The following PPP6R1 variants were observed in gnomAD, a reference collection of about 807,000 sequenced individuals.
PPP6R1 encodes serine/threonine-protein phosphatase 6 regulatory subunit 1.
PPP6R1 carries 39 observed loss-of-function variants against 104.6 expected under a neutral mutation model. The ratio of observed to expected loss-of-function variants is 0.37; its 90% CI spans 0.29 to 0.49. The LOEUF (loss-of-function observed/expected upper bound fraction) is 0.49, where lower values mean the gene tolerates loss of function less well. PPP6R1 is among the 20% of genes least tolerant of loss of function. The probability of loss-of-function intolerance (pLI) is 0.98; values close to 1 mark genes in which losing one functional copy is unlikely to be tolerated. For missense variants in PPP6R1, 1,181 were observed against 1,155.8 expected (o/e 1.02, Z -0.32); for synonymous variants, 549 against 479.0 (o/e 1.15, Z -1.91).
intron 1 of PPP6R1, 58 bp from the exon 2 acceptor site, chr19:55,247,167 C>T (rs11880346): frequency 3.4e-5 from 52 of 1,545,270 alleles, no homozygotes; most frequent in East Asian, 2.2e-4. Flanking sequence ...CCCCACTGGA[C>T]GAGGCACTGA....
rs777114507 is a variant in PPP6R1 at position 55,236,715 on chromosome 19, T to C, written c.1916A>G (p.Asp639Gly). ...GCCCTGCCAGGCGCCATCTTCTCCA[T>C]CAGACTCCCCTGAGCCCTGGGCCTC... ...EEEAQGSGES[D>G]GEDGAWQGSQ... Residue 639 changes from aspartate to glycine, a missense_variant, in exon 17 of 24, where the codon GAT becomes GGT. Physicochemically the swap from Asp to Gly is moderately conservative, Grantham distance 94. This residue lies in a region of PPP6R1 where 1,042 missense variants were observed against 955.6 expected (regional missense o/e 1.09). Transcript: ENST00000412770. 1.9e-6 allele frequency: 3 copies of C among 1,613,180 alleles called. No homozygotes were observed. Among genetic ancestry groups the C allele is most frequent in the African/African-American group, 1.3e-5 (1 of 74,930 alleles).
rs2087370276 is a variant in PPP6R1, at chr19:55,233,745, C to CT, written c.1989-1535dup. Among the ~76,000 whole-genome samples the CT allele has an allele frequency of 3.9e-5, 6 of 152,282 alleles. No homozygotes were observed. The South Asian group carries it at 1.0e-3, about 26-fold the overall frequency. On this transcript the variant is annotated intron_variant, in intron 17 of 23. Coordinates refer to ENST00000412770, the MANE Select transcript of PPP6R1 (RefSeq NM_014931.4). ...TAAAAGAAATACAAAGCCTCATACT[C>CT]TAAAACCTACGAAACATTGTTGAAA...
In PPP6R1 at chr19:55,241,605, T is replaced by C. The variant is rs1002658541; in HGVS notation, c.880A>G (p.Ser294Gly). The C allele has an allele frequency of 3.2e-6, 5 of 1,587,166 alleles. No homozygotes were observed. The African/African-American group carries it at 4.0e-5, about 13-fold the overall frequency. ...AGGAGCTCCAGCTGCCCATCCACAC[T>C]GCTGAAGAAGCTGTTCACGGTCACG... ...ESVTVNSFFS[S>G]VDGQLELLAQ... is the part of the protein sequence containing the mutation. Residue 294 changes from serine (S) to glycine (G), a missense_variant, in exon 8 of 24, where the codon AGT becomes GGT. By Grantham distance (56) the Ser-to-Gly change is moderately conservative. Around this residue, in one of 2 missense-constraint regions of PPP6R1, gnomAD observed 1,042 missense variants for 955.6 expected, o/e 1.09. Coordinates refer to ENST00000412770, the MANE Select transcript of PPP6R1 (RefSeq NM_014931.4). The surrounding 1 kb of genome is among the most constrained non-coding windows in gnomAD (Gnocchi z 5.4).
chr19:55,255,399 C>T (rs1348257286), intron 1 of PPP6R1, among the ~76,000 whole-genome samples: 1 of 152,188 alleles, frequency 6.6e-6, no homozygotes, highest in Non-Finnish European at 1.5e-5. Context: ...GTCAGAAAAG[C>T]TTGCATTCCC....
Position 55,231,930 on chromosome 19 carries a change from G to A in PPP6R1, c.2178C>T (p.Ser726=), listed in dbSNP as rs369196770. Residue 726 remains serine, a synonymous_variant, in exon 19 of 24, where the codon AGC becomes AGT. Coordinates refer to ENST00000412770, the MANE Select transcript of PPP6R1 (RefSeq NM_014931.4). ...FDPVPTDAPT[S]PRVSGEEELH... is the part of the protein sequence containing the mutation. ...GCTCTTCCTCCCCGGAGACTCGGGG[G>A]CTGGTCGGGGCATCTGTAGGCACTG... The A allele has an allele frequency of 7.6e-6, 12 of 1,569,518 alleles. No individual in the cohort carries two copies. Among genetic ancestry groups the A allele is most frequent in the South Asian group, 7.0e-5 (6 of 85,354 alleles).
intron 15 of PPP6R1, chr19:55,239,171 T>A: frequency 1.8e-6 from 1 of 549,978 alleles, no homozygotes; most frequent in South Asian, 2.0e-5. Flanking sequence ...CCCACCCTCA[T>A]GGCCTGCCTC....
intron 21 of PPP6R1, 91 bp downstream of exon 21, chr19:55,231,319 C>T (rs2122508342): frequency 2.1e-6 from 3 of 1,415,490 alleles, no homozygotes; most frequent in Non-Finnish European, 2.9e-6. Context: ...AGGCCTGGAG[C>T]AGCTCAGGGA....
At chr19:55,258,178 G>A (rs73621332) in intron 1 of PPP6R1, among the ~76,000 whole-genome samples, 2,870 of 152,348 alleles carry the variant, frequency 0.019, 96 homozygotes, top group African/African-American at 0.066. Flanking sequence ...CAGAGAGCGA[G>A]TGGGAAAAGG....
chr19:55,240,113 A>T lies in PPP6R1; in HGVS notation c.1363T>A (p.Cys455Ser). The T allele has an allele frequency of 1.3e-6, 2 of 1,577,790 alleles. No homozygotes were observed. Among genetic ancestry groups the T allele is most frequent in the South Asian group, 2.3e-5 (2 of 86,580 alleles). ...TSWEENDRVQ[C>S]AGGPRKGYMG... is the part of the protein sequence containing the mutation. ...TAGCCTTTCCGAGGGCCTCCCGCAC[A>T]CCTGGCAAGAGTGAAGGCCGCGGCT... Residue 455 changes from cysteine to serine, a missense_variant and splice_region_variant, in exon 12 of 24, where the codon TGT becomes AGT. By Grantham distance (112) the Cys-to-Ser change is moderately radical. This residue lies in a region of PPP6R1 where 1,042 missense variants were observed against 955.6 expected (regional missense o/e 1.09). Transcript: ENST00000412770.
intron 2 of PPP6R1, 84 bp downstream of exon 2, chr19:55,246,793 A>T (rs1405330992): frequency 1.6e-6 from 2 of 1,261,356 alleles, no homozygotes; most frequent in Non-Finnish European, 2.2e-6. Flanking sequence ...ACACTGACGC[A>T]TTTCAGGGTA....
In PPP6R1 at chr19:55,245,606, C is replaced by T. The variant is rs749575369; in HGVS notation, c.300G>A (p.Glu100=). Residue 100 remains glutamate, a synonymous_variant, in exon 3 of 24, where the codon GAG becomes GAA. Transcript: ENST00000412770. This position sits in a 1 kb window ranked among gnomAD's most constrained non-coding sequence, Gnocchi z 6.4. ...AGCCGTAGAGCCGGTTCAGAAGGGACTCATCAGCACCCAGGGCATCATTGA... is the reference window on the plus strand; with the variant it reads ...AGCCGTAGAGCCGGTTCAGAAGGGATTCATCAGCACCCAGGGCATCATTGA... ...PQINDALGAD[E]SLLNRLYGFL... The T allele has an allele frequency of 5.6e-6, 9 of 1,612,440 alleles. No individual in the cohort carries two copies. The African/African-American group carries it at 1.2e-4, about 22-fold the overall frequency.
At chr19:55,233,512 C>G (rs1399774326) in intron 17 of PPP6R1, among the ~76,000 whole-genome samples, 4 of 152,340 alleles carry the variant, frequency 2.6e-5, no homozygotes, top group Non-Finnish European at 5.9e-5. Context: ...AAAATGAACT[C>G]TATTCACATG....
intron 15 of PPP6R1, chr19:55,239,185 G>A: frequency 1.7e-6 from 1 of 574,950 alleles, no homozygotes; most frequent in Non-Finnish European, 3.1e-6. Context: ...CTGCCTCTCG[G>A]AGAGAAGAGA....
chr19:55,247,733 C>T (rs2087522172), intron 1 of PPP6R1, among the ~76,000 whole-genome samples: 1 of 152,204 alleles, frequency 6.6e-6, no homozygotes, highest in Non-Finnish European at 1.5e-5. Context: ...CTGTGCATCT[C>T]CAGGCTGTGG....
At chr19:55,257,824 C>A (rs1301927716) in intron 1 of PPP6R1, among the ~76,000 whole-genome samples, 1 of 152,262 alleles carries the variant, frequency 6.6e-6, no homozygotes, top group Non-Finnish European at 1.5e-5. Flanking sequence ...CGGTGCCCAG[C>A]GCCAGGCTCC....
At chr19:55,242,038 A>G in intron 7 of PPP6R1, 128 bp downstream of exon 7, 1 of 843,498 alleles carries the variant, frequency 1.2e-6, no homozygotes, top group South Asian at 1.5e-5. Context: ...TGCAGGGAGC[A>G]CAGGCAGCCA....
chr19:55,231,829 G>C lies in PPP6R1; in HGVS notation c.2279C>G (p.Pro760Arg), dbSNP rs781518117. ...GAGCTGCAGGGCGTCACGGGCAGGA[G>C]GGCTGGCCAGGCTCTGAGTGGGGAG... ...QGLPTQSLAS[P>R]PARDALQLRS... is the part of the protein sequence containing the mutation. The change falls in exon 19 of 24, where the codon CCT becomes CGT. Residue 760 changes from proline (P) to arginine (R), a missense_variant. Pro to Arg is a moderately radical substitution (Grantham distance 103, BLOSUM62 -2). Around this residue, in one of 2 missense-constraint regions of PPP6R1, gnomAD observed 1,042 missense variants for 955.6 expected, o/e 1.09. Coordinates refer to ENST00000412770, the MANE Select transcript of PPP6R1 (RefSeq NM_014931.4). 4.0e-6 allele frequency: 6 copies of C among 1,502,934 alleles called. No individual in the cohort carries two copies. In the East Asian group the frequency reaches 1.4e-4, roughly 35 times the overall value. 93.1% of individuals were successfully genotyped at this position (1,502,934 alleles called of 1,614,324 possible).
chr19:55,232,333 A>G, intron 17 of PPP6R1, 122 bp from the exon 18 acceptor site: 2 of 1,415,914 alleles, frequency 1.4e-6, no homozygotes, highest in Non-Finnish European at 1.9e-6. Context: ...AGGTCACAGA[A>G]GGGTCCAGGG....
At chr19:55,234,368 G>A (rs1161323350) in intron 17 of PPP6R1, among the ~76,000 whole-genome samples, 7 of 152,162 alleles carry the variant, frequency 4.6e-5, no homozygotes, top group Admixed American at 3.3e-4. Flanking sequence ...TCATACATAT[G>A]GTCAAATATT....
Sources: allele counts gnomAD v4.1 joint callset (sites outside exome capture counted in the v4.1 genomes callset), GRCh38; gene constraint gnomAD v4.1.1; regional missense constraint gnomAD v4.1.1; non-coding constraint Gnocchi (gnomAD v3.1); transcripts MANE v1.5; gene names NCBI Gene and HGNC (gene_info 2026-07-23, HGNC 2026-07-21).